Variants in ITPR2 observed in about 807,000 individuals in gnomAD.
ITPR2 encodes inositol 1,4,5-trisphosphate receptor type 2.
ITPR2 carries 207 observed loss-of-function variants against 317.1 expected under a neutral mutation model. The ratio of observed to expected loss-of-function variants is 0.65; its 90% CI spans 0.58 to 0.73. The LOEUF (loss-of-function observed/expected upper bound fraction) is 0.73, where lower values mean the gene tolerates loss of function less well. ITPR2 is among the 30% of genes least tolerant of loss of function. The pLI, the probability that ITPR2 is intolerant of heterozygous loss-of-function variation, is 0.00. For missense variants in ITPR2, 2,613 were observed against 3,284.0 expected, an observed-to-expected ratio of 0.80 and a Z score of 4.99; for synonymous variants, 1,156 against 1,149.1, an observed-to-expected ratio of 1.01 and a Z score of -0.12.
chr12:26,772,439 T>C (rs1487078697), intron 2 of ITPR2, among the ~76,000 whole-genome samples: 1 of 104,798 alleles, frequency 9.5e-6, no homozygotes, highest in Non-Finnish European at 1.9e-5. Context: ...ATAATACATG[T>C]ATTATATATA....
intron 54 of ITPR2, among the ~76,000 whole-genome samples, chr12:26,395,526 G>A (rs956476119): frequency 6.6e-6 from 1 of 152,246 alleles, no homozygotes; most frequent in Admixed American, 6.5e-5. Flanking sequence ...TCCAGCCTCT[G>A]GTCCATTCTT....
chr12:26,360,412 G>T (rs533828082), intron 55 of ITPR2, among the ~76,000 whole-genome samples: 1 of 152,204 alleles, frequency 6.6e-6, no homozygotes, highest in East Asian at 1.9e-4. Flanking sequence ...GCTTCCCCTG[G>T]TCCCAAAGCC....
chr12:26,636,014 A>G (rs1946855904), intron 21 of ITPR2, among the ~76,000 whole-genome samples: 1 of 152,248 alleles, frequency 6.6e-6, no homozygotes, highest in Non-Finnish European at 1.5e-5. Context: ...ATTTTATCTA[A>G]CCAGCAGTCC....
At chr12:26,582,265 C>T (rs1271725400) in intron 32 of ITPR2, among the ~76,000 whole-genome samples, 1 of 152,068 alleles carries the variant, frequency 6.6e-6, no homozygotes, top group East Asian at 1.9e-4. Context: ...GATCCTCATA[C>T]ATATGAATAT....
intron 55 of ITPR2, 91 bp downstream of exon 55, chr12:26,387,343 A>G (rs1364307634): frequency 1.7e-6 from 2 of 1,207,172 alleles, no homozygotes; most frequent in Non-Finnish European, 2.4e-6. Flanking sequence ...GATTGCTACA[A>G]TCTTCATATT....
chr12:26,638,118 G>T (rs1456711374), intron 21 of ITPR2, among the ~76,000 whole-genome samples: 1 of 152,142 alleles, frequency 6.6e-6, no homozygotes, highest in African/African-American at 2.4e-5. Flanking sequence ...TTATTCAAAG[G>T]ATTAACTGAA....
chr12:26,350,173 G>A (rs372242630), intron 55 of ITPR2, among the ~76,000 whole-genome samples: 10 of 152,210 alleles, frequency 6.6e-5, no homozygotes, highest in African/African-American at 1.4e-4. Flanking sequence ...TTAGGGAGGC[G>A]GAGGGAAGCA....
intron 52 of ITPR2, among the ~76,000 whole-genome samples, chr12:26,402,676 T>C (rs1189557751): frequency 6.6e-6 from 1 of 152,202 alleles, no homozygotes; most frequent in Non-Finnish European, 1.5e-5. Flanking sequence ...TCAGTACACA[T>C]GCATGCTGAT....
chr12:26,737,159 T>TGAGGCA (rs1179356883), intron 2 of ITPR2, among the ~76,000 whole-genome samples: 8 of 152,150 alleles, frequency 5.3e-5, no homozygotes, highest in Admixed American at 3.3e-4. Flanking sequence ...CTCATCATGT[T>TGAGGCA]GAGGCAGAGG....
At chr12:26,670,393 A>G (rs1388955591) in intron 13 of ITPR2, among the ~76,000 whole-genome samples, 1 of 152,184 alleles carries the variant, frequency 6.6e-6, no homozygotes, top group East Asian at 1.9e-4. Flanking sequence ...ACGGTTCACG[A>G]AAAACTGCTG....
intron 37 of ITPR2, among the ~76,000 whole-genome samples, chr12:26,509,037 T>C (rs1943260958): frequency 1.3e-5 from 2 of 152,196 alleles, no homozygotes; most frequent in Admixed American, 1.3e-4. Context: ...ATGCACATAA[T>C]AGAATATTAT....
At chr12:26,588,027 A>T (rs950044691) in intron 32 of ITPR2, among the ~76,000 whole-genome samples, 4 of 152,222 alleles carry the variant, frequency 2.6e-5, no homozygotes, top group Non-Finnish European at 5.9e-5. Context: ...GGTTTGCCTG[A>T]ATGCCTAGAG....
At chr12:26,513,346 A>C (rs1417666126) in intron 37 of ITPR2, among the ~76,000 whole-genome samples, 6 of 152,208 alleles carry the variant, frequency 3.9e-5, no homozygotes, top group Non-Finnish European at 2.9e-5. Flanking sequence ...CTAACATTTT[A>C]ACCCAGTGAA....
intron 2 of ITPR2, among the ~76,000 whole-genome samples, chr12:26,777,919 G>A (rs1950004964): frequency 1.3e-5 from 2 of 152,250 alleles, no homozygotes; most frequent in Middle Eastern, 3.4e-3. Flanking sequence ...GATATTTTAG[G>A]GACTGCTGGA....
chr12:26,627,900 A>G, intron 23 of ITPR2, 133 bp downstream of exon 23: 2 of 758,880 alleles, frequency 2.6e-6, no homozygotes, highest in Non-Finnish European at 4.1e-6. Context: ...CTGCACATGT[A>G]TCCCAGAACT....
At chr12:26,753,029 C>T (rs576021775) in intron 2 of ITPR2, among the ~76,000 whole-genome samples, 1 of 152,198 alleles carries the variant, frequency 6.6e-6, no homozygotes, top group African/African-American at 2.4e-5. Flanking sequence ...TAGACTGCAG[C>T]ACTGATTCAA....
At position 26,379,506 on chromosome 12, in the gene ITPR2, A is replaced by G. The variant is rs72480024; in HGVS notation, c.7857+7928T>C. Among the ~76,000 whole-genome samples the G allele has an allele frequency of 3.9e-4, 60 of 152,278 alleles. No individual in the cohort carries two copies. The East Asian group carries it at 9.5e-3, about 24-fold the overall frequency. Reference sequence around the variant, plus strand: ...AAAAGTGCAGTTATACCCAGTACCAATATTTAGCTGGTATGCAAAGATATG... The same window carrying G: ...AAAAGTGCAGTTATACCCAGTACCAGTATTTAGCTGGTATGCAAAGATATG... On this transcript the variant is annotated intron_variant, in intron 55 of 56. Transcript: ENST00000381340.
At position 26,790,280 on chromosome 12, in the gene ITPR2, C is replaced by T. The variant is rs1441050613; in HGVS notation, c.93-53G>A. 6 of 1,299,150 alleles carry T rather than the reference C, an allele frequency of 4.6e-6. No homozygotes were observed. In the East Asian group the frequency reaches 9.2e-5, roughly 20 times the overall value. The allele number at this position is 1,299,150 out of a possible 1,614,324, so 80.5% of individuals were successfully genotyped here. A position where few individuals can be genotyped will look rare whatever the true frequency, so the allele number is the denominator to read the frequency against. On this transcript the variant is annotated intron_variant, in intron 1 of 56. Transcript: ENST00000381340. ...TAACATCCTTGTCATATTCATAAACCACAGACTGCACATGGATATTGCATA... is the reference window on the plus strand; with the variant it reads ...TAACATCCTTGTCATATTCATAAACTACAGACTGCACATGGATATTGCATA...
intron 34 of ITPR2, among the ~76,000 whole-genome samples, chr12:26,568,017 T>TATATATTATATATATTATATATA (rs1591911205): frequency 8.4e-6 from 1 of 119,012 alleles, no homozygotes; most frequent in Non-Finnish European, 1.7e-5. Context: ...TATATATATA[T>TATATATTATATATATTATATATA]ATATATATAT....
Sources: allele counts gnomAD v4.1 joint callset (sites outside exome capture counted in the v4.1 genomes callset), GRCh38; gene constraint gnomAD v4.1.1; transcripts MANE v1.5; gene names NCBI Gene and HGNC (gene_info 2026-07-23, HGNC 2026-07-21).